The following SCIN variants were observed in gnomAD, a reference collection of about 807,000 sequenced individuals.
The protein encoded by SCIN is scinderin.
A neutral mutation model predicts 91.8 loss-of-function variants in SCIN; 91 were observed. The observed-to-expected ratio is 0.99, with a 90% CI of 0.84 to 1.18. The LOEUF is 1.18. Ranked by LOEUF, SCIN falls within the 50% of genes most tolerant of loss-of-function variation. The pLI, the probability that SCIN is intolerant of heterozygous loss-of-function variation, is 0.00. For missense variants in SCIN, 1,087 were observed against 863.9 expected, an observed-to-expected ratio of 1.26 and a Z score of -3.24; for synonymous variants, 367 against 312.6, an observed-to-expected ratio of 1.17 and a Z score of -1.84.
intron 3 of SCIN, among the ~76,000 whole-genome samples, chr7:12,586,938 G>A (rs1452857150): frequency 8.5e-5 from 13 of 152,048 alleles, no homozygotes; most frequent in Admixed American, 8.5e-4. Context: ...GTAGGGGGAG[G>A]GGAGGCTAGG....
At chr7:12,590,582 C>G (rs1782699514) in intron 3 of SCIN, among the ~76,000 whole-genome samples, 1 of 151,606 alleles carries the variant, frequency 6.6e-6, no homozygotes, top group African/African-American at 2.4e-5. Flanking sequence ...AGGCTGCTTG[C>G]TGTATAGCAA....
chr7:12,649,169 C>T (rs949876837), intron 13 of SCIN, among the ~76,000 whole-genome samples: 4 of 152,128 alleles, frequency 2.6e-5, no homozygotes, highest in African/African-American at 4.8e-5. Context: ...GCCACACAGC[C>T]GCATTCCTCT....
Position 12,629,083 on chromosome 7 carries a change from A to G in SCIN, c.1198-18A>G. 2 of 1,600,452 alleles carry G rather than the reference A, an allele frequency of 1.2e-6. No individual in the cohort carries two copies. The highest frequency in any genetic ancestry group is 1.1e-5 in the South Asian group (1 of 88,610). On this transcript the variant is annotated intron_variant, in intron 8 of 15. Transcript: ENST00000297029. ...TCAAGAAAATTGTAATTTGTTGTAT[A>G]TATTCCATTCCTTCCAGATTTGGCG...
rs1166441013 is a variant in SCIN at position 12,655,160 on chromosome 7, A to G, written c.*2445A>G. 2 of 152,192 alleles carry G rather than the reference A, an allele frequency of 1.3e-5. No individual in the cohort carries two copies. The highest frequency in any genetic ancestry group is 1.5e-5 in the Non-Finnish European group (1 of 68,020). The allele number at this position is 152,192 out of a possible 1,614,324, so 9.4% of individuals were successfully genotyped here. A position where few individuals can be genotyped will look rare whatever the true frequency, so the allele number is the denominator to read the frequency against. ...CTCTGCGTTACTTATAATACCTAAT[A>G]CAGTGTAAACGCTGTGTAAACAGTT... On this transcript the variant is annotated 3_prime_UTR_variant, in exon 16 of 16. Transcript: ENST00000297029.
Position 12,581,039 on chromosome 7 carries a change from C to G in SCIN, c.355-21C>G, listed in dbSNP as rs1353868230. The G allele has an allele frequency of 5.8e-6, 9 of 1,545,388 alleles. No homozygotes were observed. In the Admixed American group the frequency reaches 6.0e-5, roughly 10 times the overall value. The stretch of plus-strand genomic sequence containing the variant: ...AGTTTTCTCTTTGTTTTTTGTGTGT[C>G]TGTCTTCCCTCATTCATCAGGCTGG... On this transcript the variant is annotated intron_variant, in intron 2 of 15. Transcript: ENST00000297029.
chr7:12,619,600 C>T (rs1175732937), intron 4 of SCIN, among the ~76,000 whole-genome samples: 3 of 152,008 alleles, frequency 2.0e-5, no homozygotes, highest in African/African-American at 7.2e-5. Flanking sequence ...TCATGAGAAA[C>T]TCTGAAGCTG....
rs1783593247 is a variant in SCIN, at chr7:12,629,198, C to T, written c.1295C>T (p.Pro432Leu). 6.2e-7 allele frequency: 1 copy of T among 1,611,788 alleles called. No homozygotes were observed. The change falls in exon 9 of 16, where the codon CCC becomes CTC. Residue 432 changes from proline to leucine, a missense_variant. Pro to Leu is a moderately conservative substitution (Grantham distance 98, BLOSUM62 -3). Transcript: ENST00000297029. ...GDCYIILYTY[P>L]RGQIIYTWQG... ...TGCTACATCATACTCTACACCTATCCCAGAGGACAGATTATCTACACGTGG... is the reference window on the plus strand; with the variant it reads ...TGCTACATCATACTCTACACCTATCTCAGAGGACAGATTATCTACACGTGG...
chr7:12,629,336 T>A (rs930558840), intron 9 of SCIN, 114 bp downstream of exon 9: 1 of 982,714 alleles, frequency 1.0e-6, no homozygotes, highest in Non-Finnish European at 1.4e-6. Flanking sequence ...CAGTGAGATT[T>A]GTATAGCATG....
In SCIN at chr7:12,644,286, C is replaced by T. The variant is rs1481132656; in HGVS notation, c.1730C>T (p.Thr577Ile). 1.9e-6 allele frequency: 3 copies of T among 1,593,626 alleles called. No individual in the cohort carries two copies. Among genetic ancestry groups the T allele is most frequent in the African/African-American group, 2.7e-5 (2 of 74,574 alleles). Residue 577 changes from threonine to isoleucine, a missense_variant, in exon 12 of 16, where the codon ACC becomes ATC. Coordinates refer to ENST00000297029, the MANE Select transcript of SCIN (RefSeq NM_001112706.3). ...EYVASVLKCKTLRIQEGEEPE... is the reference protein window; with the variant it reads ...EYVASVLKCKILRIQEGEEPE... ...GTAGCAAGTGTCCTAAAGTGCAAAA[C>T]CTTAAGGATCCAAGAAGGCGAGGAG...
chr7:12,630,529 C>T (rs938339807), intron 9 of SCIN, among the ~76,000 whole-genome samples: 4 of 152,190 alleles, frequency 2.6e-5, no homozygotes, highest in Admixed American at 6.5e-5. Flanking sequence ...ACCACCACAT[C>T]GGTGTGAACC....
At chr7:12,618,892 T>C (rs1783351370) in intron 4 of SCIN, among the ~76,000 whole-genome samples, 1 of 152,114 alleles carries the variant, frequency 6.6e-6, no homozygotes, top group African/African-American at 2.4e-5. Context: ...CCTAAAATGA[T>C]TAAGATGAGA....
rs771879066 is a variant in SCIN, at chr7:12,629,220, G to T, written c.1317G>T (p.Thr439=). Residue 439 remains threonine, a splice_region_variant and synonymous_variant, in exon 9 of 16, where the codon ACG becomes ACT. Coordinates refer to ENST00000297029, the MANE Select transcript of SCIN (RefSeq NM_001112706.3). ...ATCCCAGAGGACAGATTATCTACAC[G>T]TGGTGAGTTTATACGGGTAAAGATC... is the stretch of plus-strand genomic sequence containing the variant. ...YTYPRGQIIY[T]WQGANATRDE... is the part of the protein sequence containing the mutation. 7 of 1,608,298 alleles carry T rather than the reference G, an allele frequency of 4.4e-6. No individual in the cohort carries two copies. The highest frequency in any genetic ancestry group is 2.2e-5 in the East Asian group (1 of 44,734).
chr7:12,600,659 A>C (rs1250500978), intron 3 of SCIN, among the ~76,000 whole-genome samples: 1 of 152,192 alleles, frequency 6.6e-6, no homozygotes, highest in Non-Finnish European at 1.5e-5. Flanking sequence ...TGCACTGGAT[A>C]ATTAGATGTT....
At chr7:12,647,363 G>A (rs80011140) in intron 13 of SCIN, among the ~76,000 whole-genome samples, 1 of 152,282 alleles carries the variant, frequency 6.6e-6, no homozygotes, top group Non-Finnish European at 1.5e-5. Context: ...CTATCAGAAA[G>A]TAGGCTTTAC....
At chr7:12,584,390 G>A (rs1240490559) in intron 3 of SCIN, among the ~76,000 whole-genome samples, 1 of 152,092 alleles carries the variant, frequency 6.6e-6, no homozygotes, top group South Asian at 2.1e-4. Context: ...TAAGGTTATG[G>A]ATATAACCTA....
chr7:12,644,443 AGGTG>A, intron 12 of SCIN, 128 bp downstream of exon 12: 1 of 1,436,682 alleles, frequency 7.0e-7, no homozygotes, highest in Non-Finnish European at 9.3e-7. Flanking sequence ...TTAGTTGCAG[AGGTG>A]GGTGGGTGAT....
intron 3 of SCIN, among the ~76,000 whole-genome samples, chr7:12,595,229 G>T (rs1034971384): frequency 6.6e-6 from 1 of 152,142 alleles, no homozygotes; most frequent in Non-Finnish European, 1.5e-5. Context: ...AGAATGACGG[G>T]TTTATATGGG....
At chr7:12,607,631 T>C (rs1783105100) in intron 4 of SCIN, among the ~76,000 whole-genome samples, 1 of 152,238 alleles carries the variant, frequency 6.6e-6, no homozygotes, top group African/African-American at 2.4e-5. Context: ...TTTGTTTTCA[T>C]TCAATACATT....
At chr7:12,652,219 C>T (rs923270433) in intron 15 of SCIN, among the ~76,000 whole-genome samples, 1 of 152,148 alleles carries the variant, frequency 6.6e-6, no homozygotes, top group African/African-American at 2.4e-5. Flanking sequence ...ATTTTTTAAA[C>T]TTCCTTTTGA....
Sources: allele counts gnomAD v4.1 joint callset (sites outside exome capture counted in the v4.1 genomes callset), GRCh38; gene constraint gnomAD v4.1.1; transcripts MANE v1.5; gene names NCBI Gene and HGNC (gene_info 2026-07-23, HGNC 2026-07-21).